SLC35F1: variants seen among roughly 807,000 people sequenced by gnomAD.
SLC35F1 encodes chromosome 6 open reading frame 169.
A neutral mutation model predicts 48.7 loss-of-function variants in SLC35F1; 14 were observed. That is an observed-to-expected ratio of 0.29 (90% CI 0.19 to 0.45). The LOEUF (loss-of-function observed/expected upper bound fraction) is 0.45. Ranked by LOEUF, SLC35F1 falls within the 20% of genes least tolerant of loss-of-function variation. SLC35F1 has a pLI of 1.00. For synonymous variants in SLC35F1, 190 were observed against 202.2 expected, an observed-to-expected ratio of 0.94 and a Z score of 0.51; for missense variants, 404 against 500.0, an observed-to-expected ratio of 0.81 and a Z score of 1.83.
Position 117,951,704 on chromosome 6 carries a change from G to A in SLC35F1, c.173+43805G>A, listed in dbSNP as rs531445086. On this transcript the variant is annotated intron_variant, in intron 1 of 7. Transcript: ENST00000360388. Reference sequence around the variant, plus strand: ...CTGTGCAGGACAAGGAATATGCTAAGGATAAGAGACTGGGGAAAGAGCCCT... The same window carrying A: ...CTGTGCAGGACAAGGAATATGCTAAAGATAAGAGACTGGGGAAAGAGCCCT... 2.0e-5 allele frequency among the ~76,000 whole-genome samples: 3 copies of A among 152,312 alleles called. No homozygotes were observed. In the South Asian group the frequency reaches 6.2e-4, roughly 32 times the overall value.
At chr6:118,119,017 G>C (rs1773515605) in intron 1 of SLC35F1, among the ~76,000 whole-genome samples, 1 of 150,418 alleles carries the variant, frequency 6.6e-6, no homozygotes, top group African/African-American at 2.4e-5. Context: ...ATTGTTTTTA[G>C]ACAGAAGTTC....
chr6:118,061,169 G>A (rs931617938), intron 1 of SLC35F1, among the ~76,000 whole-genome samples: 2 of 152,206 alleles, frequency 1.3e-5, no homozygotes, highest in Middle Eastern at 3.2e-3. Context: ...AAAAGGAGGA[G>A]AATGGACCAT....
At chr6:118,144,267 A>AG (rs1323959273) in intron 1 of SLC35F1, among the ~76,000 whole-genome samples, 1 of 152,186 alleles carries the variant, frequency 6.6e-6, no homozygotes, top group Non-Finnish European at 1.5e-5. Flanking sequence ...ATAAAAAGGA[A>AG]CAAGATCATG....
At chr6:117,994,920 G>A (rs190221660) in intron 1 of SLC35F1, among the ~76,000 whole-genome samples, 4 of 152,126 alleles carry the variant, frequency 2.6e-5, no homozygotes, top group East Asian at 1.9e-4. Flanking sequence ...ATGTTATTGC[G>A]AAGTAAATGC....
At chr6:118,024,637 A>G (rs1169383122) in intron 1 of SLC35F1, among the ~76,000 whole-genome samples, 1 of 152,200 alleles carries the variant, frequency 6.6e-6, no homozygotes, top group Non-Finnish European at 1.5e-5. Context: ...ATAGTTTTCA[A>G]TAGTTTTCAG....
At chr6:118,059,604 G>A (rs1234508802) in intron 1 of SLC35F1, among the ~76,000 whole-genome samples, 4 of 152,162 alleles carry the variant, frequency 2.6e-5, no homozygotes, top group African/African-American at 9.7e-5. Flanking sequence ...CGGCATCATA[G>A]TTTCTGAGAA....
At chr6:118,181,044 T>C (rs1774569500) in intron 2 of SLC35F1, among the ~76,000 whole-genome samples, 1 of 151,970 alleles carries the variant, frequency 6.6e-6, no homozygotes. Flanking sequence ...AAACCTACAA[T>C]TACATATGTA....
At chr6:118,166,593 A>C in intron 2 of SLC35F1, among the ~76,000 whole-genome samples, 1 of 152,208 alleles carries the variant, frequency 6.6e-6, no homozygotes, top group Admixed American at 6.5e-5. Context: ...CTAAAAATAA[A>C]GTTAAGGAAC....
At position 117,923,767 on chromosome 6, in the gene SLC35F1, A is replaced by ATGTACATATACATATGTATATATG. The variant is rs1264393473; in HGVS notation, c.173+15869_173+15870insGTACATATACATATGTATATATGT. On this transcript the variant is annotated intron_variant, in intron 1 of 7. Coordinates refer to ENST00000360388, the MANE Select transcript of SLC35F1 (RefSeq NM_001029858.4). ...TATATGTACATATATACATATGCAC[A>ATGTACATATACATATGTATATATG]TACATATGTATATATACATATATGT... Among the ~76,000 whole-genome samples the ATGTACATATACATATGTATATATG allele has an allele frequency of 4.3e-3, 2 of 460 alleles. 1 individual carries two copies. The highest frequency in any genetic ancestry group is 6.5e-3 in the African/African-American group (2 of 308). The allele number at this position is 460 out of a possible 152,430, so 0.3% of individuals were successfully genotyped here.
chr6:117,996,851 C>A (rs944767303), intron 1 of SLC35F1, among the ~76,000 whole-genome samples: 2 of 152,204 alleles, frequency 1.3e-5, no homozygotes, highest in African/African-American at 4.8e-5. Flanking sequence ...ACTGGAAACT[C>A]TAAAAAGCAG....
At chr6:118,131,807 A>T (rs919839102) in intron 1 of SLC35F1, among the ~76,000 whole-genome samples, 3 of 151,592 alleles carry the variant, frequency 2.0e-5, no homozygotes, top group African/African-American at 7.3e-5. Context: ...GCACACATTC[A>T]TGTGCAAATA....
chr6:118,107,101 T>C (rs1393499250), intron 1 of SLC35F1, among the ~76,000 whole-genome samples: 1 of 152,208 alleles, frequency 6.6e-6, no homozygotes, highest in East Asian at 1.9e-4. Flanking sequence ...GGATCTAGCC[T>C]GTCTTGTTTG....
At chr6:118,101,582 T>G (rs924695522) in intron 1 of SLC35F1, among the ~76,000 whole-genome samples, 4 of 151,978 alleles carry the variant, frequency 2.6e-5, no homozygotes, top group Non-Finnish European at 5.9e-5. Flanking sequence ...ACTTCTAAAA[T>G]GAAAAATAAT....
intron 1 of SLC35F1, among the ~76,000 whole-genome samples, chr6:117,974,551 C>CT (rs959768769): frequency 6.6e-6 from 1 of 152,096 alleles, no homozygotes; most frequent in Non-Finnish European, 1.5e-5. Context: ...ATTAATATAA[C>CT]TTTTTAATGC....
At chr6:118,089,993 C>G (rs1023685350) in intron 1 of SLC35F1, among the ~76,000 whole-genome samples, 3 of 152,172 alleles carry the variant, frequency 2.0e-5, no homozygotes, top group Non-Finnish European at 4.4e-5. Context: ...AGTTGGAATG[C>G]CTTAAAATCT....
intron 1 of SLC35F1, among the ~76,000 whole-genome samples, chr6:118,150,152 G>A (rs1774034626): frequency 6.6e-6 from 1 of 152,130 alleles, no homozygotes; most frequent in Non-Finnish European, 1.5e-5. Flanking sequence ...AGTAATAATA[G>A]CTGCCTTATA....
intron 7 of SLC35F1, among the ~76,000 whole-genome samples, chr6:118,286,805 T>TGTGTGTTTGTG (rs1562351393): frequency 5.2e-4 from 75 of 144,102 alleles, no homozygotes; most frequent in African/African-American, 1.9e-3. Context: ...GTGTGTGTGT[T>TGTGTGTTTGTG]TGTGTGTGTG....
intron 1 of SLC35F1, among the ~76,000 whole-genome samples, chr6:118,144,598 A>AC (rs1773943342): frequency 7.2e-6 from 1 of 139,078 alleles, no homozygotes; most frequent in Admixed American, 7.3e-5. Context: ...AAAAAAAAAA[A>AC]AAATTGAAAA....
chr6:118,159,822 G>T (rs909881351), intron 2 of SLC35F1, among the ~76,000 whole-genome samples: 1 of 152,110 alleles, frequency 6.6e-6, no homozygotes, highest in Non-Finnish European at 1.5e-5. Context: ...GACAAAAATC[G>T]TGCTGCTTCC....
Sources: gnomAD v4.1 joint callset for allele counts (sites outside exome capture counted in the v4.1 genomes callset) on GRCh38, gnomAD v4.1.1 for gene constraint, MANE v1.5 for transcripts, NCBI Gene and HGNC (gene_info 2026-07-23, HGNC 2026-07-21) for gene names.